The following CPNE4 variants were observed in gnomAD, a reference collection of about 807,000 sequenced individuals.
The protein encoded by CPNE4 is copine 4, also known as copine-4.
CPNE4 carries 25 observed loss-of-function variants against 67.9 expected under a neutral mutation model. The observed-to-expected ratio is 0.37, with a 90% CI of 0.27 to 0.51. The LOEUF is 0.51. Among genes scored for constraint, CPNE4 ranks in the 20% least tolerant of loss-of-function variants. The pLI, the probability that CPNE4 is intolerant of heterozygous loss-of-function variation, is 0.93. For missense variants in CPNE4, 464 were observed against 690.8 expected (o/e 0.67, Z 3.68); for synonymous variants, 242 against 244.9 (o/e 0.99, Z 0.11).
intron 2 of CPNE4, among the ~76,000 whole-genome samples, chr3:131,903,672 A>G (rs1243242972): frequency 6.6e-6 from 1 of 152,026 alleles, no homozygotes; most frequent in Non-Finnish European, 1.5e-5. Context: ...TTGTCTTTCC[A>G]TTTCCTTGCC....
intron 1 of CPNE4, among the ~76,000 whole-genome samples, chr3:131,980,175 G>C (rs1270356277): frequency 6.6e-6 from 1 of 152,066 alleles, no homozygotes; most frequent in Non-Finnish European, 1.5e-5. Context: ...AATGTGCCTA[G>C]GTGAATATCT....
At chr3:131,970,742 A>T (rs1256490340) in intron 1 of CPNE4, among the ~76,000 whole-genome samples, 3 of 152,122 alleles carry the variant, frequency 2.0e-5, no homozygotes, top group Non-Finnish European at 4.4e-5. Context: ...TAGATCACTT[A>T]TCATAGAAAT....
chr3:132,009,407 A>G (rs1276704977), intron 1 of CPNE4, among the ~76,000 whole-genome samples: 1 of 152,182 alleles, frequency 6.6e-6, no homozygotes, highest in African/African-American at 2.4e-5. Context: ...TTCAGAGGCC[A>G]TGTTGATGCC....
chr3:131,819,279 T>A (rs959184770), intron 2 of CPNE4, among the ~76,000 whole-genome samples: 4 of 152,056 alleles, frequency 2.6e-5, no homozygotes, highest in Admixed American at 2.6e-4. Context: ...CAACATAATT[T>A]TCAAAATAAA....
intron 2 of CPNE4, among the ~76,000 whole-genome samples, chr3:131,765,563 T>C (rs1246003405): frequency 4.6e-5 from 7 of 152,040 alleles, no homozygotes. Flanking sequence ...TTAAAGATTC[T>C]CCCTTCACTT....
chr3:131,809,764 T>C (rs2084454085), intron 2 of CPNE4, among the ~76,000 whole-genome samples: 2 of 152,070 alleles, frequency 1.3e-5, no homozygotes, highest in Admixed American at 6.6e-5. Context: ...GATTTGCAAA[T>C]GTAACACAAA....
intron 2 of CPNE4, among the ~76,000 whole-genome samples, chr3:131,862,845 C>T (rs867999848): frequency 3.9e-5 from 6 of 152,134 alleles, no homozygotes; most frequent in South Asian, 4.2e-4. Context: ...TCTCCTAATG[C>T]TATCCCTCCC....
intron 2 of CPNE4, among the ~76,000 whole-genome samples, chr3:131,799,251 G>C (rs2084005750): frequency 6.6e-6 from 1 of 152,106 alleles, no homozygotes; most frequent in Non-Finnish European, 1.5e-5. Flanking sequence ...ACTCATTAAA[G>C]GTTAAGCTCT....
intron 7 of CPNE4, among the ~76,000 whole-genome samples, chr3:131,619,285 T>C (rs893964236): frequency 6.6e-5 from 10 of 152,172 alleles, no homozygotes; most frequent in Non-Finnish European, 1.3e-4. Context: ...TCTGAAAGCC[T>C]GTGTAATTAC....
intron 2 of CPNE4, among the ~76,000 whole-genome samples, chr3:131,827,717 A>C (rs371249744): frequency 6.6e-6 from 1 of 152,076 alleles, no homozygotes; most frequent in Admixed American, 6.5e-5. Flanking sequence ...GAAATGTAGG[A>C]AAGTATGCTT....
chr3:131,950,570 G>T (rs1240732324), intron 1 of CPNE4, among the ~76,000 whole-genome samples: 1 of 152,160 alleles, frequency 6.6e-6, no homozygotes, highest in African/African-American at 2.4e-5. Flanking sequence ...CTCTGCGTAT[G>T]TCTACAGGTG....
At chr3:131,740,715 G>A (rs572356922) in intron 2 of CPNE4, among the ~76,000 whole-genome samples, 3 of 152,124 alleles carry the variant, frequency 2.0e-5, no homozygotes, top group South Asian at 2.1e-4. Flanking sequence ...TAGAGTAATC[G>A]TGTTAAAACT....
intron 7 of CPNE4, among the ~76,000 whole-genome samples, chr3:131,616,282 A>G (rs974815490): frequency 3.9e-5 from 6 of 152,218 alleles, no homozygotes; most frequent in Non-Finnish European, 8.8e-5. Flanking sequence ...ATGGTATAGC[A>G]TGAGAATAAA....
At chr3:131,726,932 C>T (rs574258268) in intron 2 of CPNE4, among the ~76,000 whole-genome samples, 1 of 152,212 alleles carries the variant, frequency 6.6e-6, no homozygotes, top group Non-Finnish European at 1.5e-5. Flanking sequence ...TCTTGCTTAC[C>T]CTCTGTTATC....
intron 8 of CPNE4, among the ~76,000 whole-genome samples, chr3:131,585,099 T>C (rs1938088843): frequency 6.6e-6 from 1 of 152,228 alleles, no homozygotes; most frequent in Admixed American, 6.5e-5. Context: ...TCATTACATA[T>C]TGGCTTCTTT....
In CPNE4 at chr3:131,903,790, T is replaced by C. The variant is rs945573299; in HGVS notation, c.180+1474A>G. On this transcript the variant is annotated intron_variant, in intron 2 of 15. Coordinates refer to ENST00000429747, the MANE Select transcript of CPNE4 (RefSeq NM_130808.3). Reference sequence around the variant, plus strand: ...AAAGTACCCAGTAAAGTTTAGGTCATATTGTTTCAAGTTCTTGCTCCAAAA... The same window carrying C: ...AAAGTACCCAGTAAAGTTTAGGTCACATTGTTTCAAGTTCTTGCTCCAAAA... Among the ~76,000 whole-genome samples, 34 of 152,244 alleles carry C rather than the reference T, an allele frequency of 2.2e-4. 1 individual carries two copies. The highest frequency in any genetic ancestry group is 7.9e-4 in the African/African-American group (33 of 41,582).
At chr3:132,001,247 A>C (rs547710900) in intron 1 of CPNE4, among the ~76,000 whole-genome samples, 19 of 152,022 alleles carry the variant, frequency 1.2e-4, no homozygotes, top group Non-Finnish European at 2.1e-4. Flanking sequence ...GTCAACCAAA[A>C]GATTACTTTA....
At chr3:131,743,932 C>T (rs1371617916) in intron 2 of CPNE4, among the ~76,000 whole-genome samples, 3 of 117,080 alleles carry the variant, frequency 2.6e-5, no homozygotes, top group African/African-American at 3.5e-5. Context: ...CACTGCACTC[C>T]AGCCTGGGCG....
chr3:131,665,731 T>C (rs757383211), intron 7 of CPNE4, among the ~76,000 whole-genome samples: 6 of 151,530 alleles, frequency 4.0e-5, no homozygotes, highest in Non-Finnish European at 2.9e-5. Flanking sequence ...AATGGGAAAA[T>C]CACTATAAAC....
Sources: allele counts gnomAD v4.1 joint callset (sites outside exome capture counted in the v4.1 genomes callset), GRCh38; gene constraint gnomAD v4.1.1; transcripts MANE v1.5; gene names NCBI Gene and HGNC (gene_info 2026-07-23, HGNC 2026-07-21).